The following CNTN5 variants were observed in gnomAD, a reference collection of about 807,000 sequenced individuals.
The protein encoded by CNTN5 is contactin 5, also known as contactin-5.
In CNTN5, 77 loss-of-function variants were observed where a neutral mutation model predicts 129.1. That is an observed-to-expected ratio of 0.60 (90% confidence interval 0.50 to 0.72). The LOEUF (loss-of-function observed/expected upper bound fraction) is 0.72. Among genes scored for constraint, CNTN5 ranks in the 30% least tolerant of loss-of-function variants. CNTN5 has a pLI of 0.00. For missense variants in CNTN5, 1,478 were observed against 1,328.8 expected (o/e 1.11, Z -1.75); for synonymous variants, 509 against 465.6 (o/e 1.09, Z -1.20).
intron 18 of CNTN5, among the ~76,000 whole-genome samples, chr11:100,284,950 C>T (rs1950736896): frequency 2.0e-5 from 3 of 152,138 alleles, no homozygotes; most frequent in Admixed American, 2.0e-4. Context: ...CACTTAATAG[C>T]AGGGTGGACA....
chr11:99,859,326 T>C (rs1459775471), intron 6 of CNTN5, among the ~76,000 whole-genome samples: 1 of 152,330 alleles, frequency 6.6e-6, no homozygotes, highest in East Asian at 1.9e-4. Context: ...ATTTAGGCCA[T>C]CCTTTTTTAT....
intron 2 of CNTN5, among the ~76,000 whole-genome samples, chr11:99,352,103 T>G: frequency 6.6e-6 from 1 of 152,254 alleles, no homozygotes; most frequent in East Asian, 1.9e-4. Context: ...AACTAGAAAG[T>G]TTCGAATTCT....
chr11:99,611,725 A>G (rs1191280435), intron 3 of CNTN5, among the ~76,000 whole-genome samples: 1 of 152,204 alleles, frequency 6.6e-6, no homozygotes, highest in Non-Finnish European at 1.5e-5. Flanking sequence ...CTACAAAGGT[A>G]TAATATGCTT....
At chr11:100,349,615 A>G (rs947439076) in intron 23 of CNTN5, among the ~76,000 whole-genome samples, 15 of 151,948 alleles carry the variant, frequency 9.9e-5, no homozygotes, top group Non-Finnish European at 1.9e-4. Flanking sequence ...TTCTTTTGCT[A>G]TGTTTTGTAG....
At chr11:99,961,999 TAC>T (rs749553284) in intron 8 of CNTN5, among the ~76,000 whole-genome samples, 2 of 152,092 alleles carry the variant, frequency 1.3e-5, no homozygotes, top group South Asian at 2.1e-4. Flanking sequence ...TATATACATA[TAC>T]ACACACACAT....
chr11:100,233,283 G>A (rs1949533465), intron 16 of CNTN5, among the ~76,000 whole-genome samples: 1 of 151,198 alleles, frequency 6.6e-6, no homozygotes, highest in South Asian at 2.1e-4. Flanking sequence ...GGAAAGAGTA[G>A]GGTAAAAGGG....
At chr11:99,360,074 T>TA (rs79669112) in intron 2 of CNTN5, among the ~76,000 whole-genome samples, 8,770 of 152,050 alleles carry the variant, frequency 0.058, 578 homozygotes, top group East Asian at 0.2. Flanking sequence ...AATAGACAAT[T>TA]AAAAAGAAAA....
intron 1 of CNTN5, among the ~76,000 whole-genome samples, chr11:99,169,828 A>G (rs1861061581): frequency 6.6e-6 from 1 of 152,226 alleles, no homozygotes; most frequent in African/African-American, 2.4e-5. Context: ...GTATAAAACT[A>G]GGGATAAAAT....
At chr11:99,053,474 A>T (rs1864507160) in intron 1 of CNTN5, among the ~76,000 whole-genome samples, 1 of 151,650 alleles carries the variant, frequency 6.6e-6, no homozygotes, top group African/African-American at 2.4e-5. Context: ...TTTTGCATTC[A>T]CATCTGAGGT....
At chr11:99,613,084 C>T (rs1008010050) in intron 3 of CNTN5, among the ~76,000 whole-genome samples, 10 of 152,100 alleles carry the variant, frequency 6.6e-5, no homozygotes, top group African/African-American at 1.9e-4. Context: ...TCCACAACCA[C>T]GATGCTCACA....
intron 3 of CNTN5, among the ~76,000 whole-genome samples, chr11:99,774,272 T>TAA (rs138859607): frequency 7.8e-5 from 11 of 140,618 alleles, no homozygotes; most frequent in African/African-American, 2.6e-4. Context: ...ATCAGAGTGA[T>TAA]AAAAAAAAAA....
At chr11:99,628,137 C>T (rs1041797807) in intron 3 of CNTN5, among the ~76,000 whole-genome samples, 5 of 151,916 alleles carry the variant, frequency 3.3e-5, no homozygotes, top group African/African-American at 9.7e-5. Flanking sequence ...TCAGCATCAA[C>T]TTGGTTCAAA....
chr11:99,709,845 G>A (rs1308634783), intron 3 of CNTN5, among the ~76,000 whole-genome samples: 1 of 151,788 alleles, frequency 6.6e-6, no homozygotes, highest in African/African-American at 2.4e-5. Flanking sequence ...AGGAATTAGA[G>A]GAGAGCCCTT....
intron 1 of CNTN5, among the ~76,000 whole-genome samples, chr11:99,085,740 A>G (rs992561472): frequency 3.3e-5 from 5 of 152,216 alleles, no homozygotes; most frequent in Non-Finnish European, 5.9e-5. Context: ...TAATGTAAAC[A>G]CAATAATGCT....
Position 99,713,668 on chromosome 11 carries a change from G to A in CNTN5, c.56-105876G>A, listed in dbSNP as rs75887219. On this transcript the variant is annotated intron_variant, in intron 3 of 24. Transcript: ENST00000524871. Reference sequence around the variant, plus strand: ...ATGTGCTGTTAACTATTAAGACTTCGTCTCTTTTTTACCAGGCATATACAT... The same window carrying A: ...ATGTGCTGTTAACTATTAAGACTTCATCTCTTTTTTACCAGGCATATACAT... Among the ~76,000 whole-genome samples, 1,271 of 151,922 alleles carry A rather than the reference G, an allele frequency of 8.4e-3. 19 individuals are homozygous for A. Among genetic ancestry groups the A allele is most frequent in the African/African-American group, 0.028 (1,158 of 41,470 alleles).
chr11:99,962,184 T>C (rs1950964837), intron 8 of CNTN5, among the ~76,000 whole-genome samples: 1 of 152,114 alleles, frequency 6.6e-6, no homozygotes. Context: ...ATACCTTAAG[T>C]TTTAGAGTAC....
At chr11:99,095,788 A>G (rs569026845) in intron 1 of CNTN5, among the ~76,000 whole-genome samples, 136 of 152,002 alleles carry the variant, frequency 8.9e-4, no homozygotes, top group African/African-American at 3.2e-3. Context: ...TTTGGACATT[A>G]TTTTGTGAGC....
chr11:100,299,523 A>G (rs948398302), intron 20 of CNTN5, 127 bp downstream of exon 20: 22 of 558,966 alleles, frequency 3.9e-5, no homozygotes, highest in Non-Finnish European at 6.1e-5. Context: ...ATCTCACTAA[A>G]CTTTTTGGAT....
intron 3 of CNTN5, among the ~76,000 whole-genome samples, chr11:99,568,558 G>C (rs1427772572): frequency 6.6e-6 from 1 of 152,110 alleles, no homozygotes; most frequent in Non-Finnish European, 1.5e-5. Flanking sequence ...TTCAAATTCA[G>C]GTCTCTTTGG....
Sources: gnomAD v4.1 joint callset for allele counts (sites outside exome capture counted in the v4.1 genomes callset) on GRCh38, gnomAD v4.1.1 for gene constraint, MANE v1.5 for transcripts, NCBI Gene and HGNC (gene_info 2026-07-23, HGNC 2026-07-21) for gene names.